The following GDA variants were observed in gnomAD, a reference collection of about 807,000 sequenced individuals.
GDA encodes guanine deaminase, also known as cytoplasmic PSD-95 interactor.
In GDA, 18 loss-of-function variants were observed where a neutral mutation model predicts 59.6. The observed-to-expected ratio is 0.30, with a 90% CI of 0.21 to 0.45. The LOEUF (loss-of-function observed/expected upper bound fraction) is 0.45, where lower values mean the gene tolerates loss of function less well. GDA is among the 20% of genes least tolerant of loss of function. The pLI, the probability that GDA is intolerant of heterozygous loss-of-function variation, is 1.00. For missense variants in GDA, 427 were observed against 552.3 expected (o/e 0.77, Z 2.27); for synonymous variants, 201 against 201.1 (o/e 1.00, Z 0.00).
chr9:72,156,042 T>C (rs1457434274), intron 1 of GDA, among the ~76,000 whole-genome samples: 7 of 152,110 alleles, frequency 4.6e-5, no homozygotes, highest in Admixed American at 4.6e-4. Flanking sequence ...GATGGAGAGG[T>C]GGATAGAATC....
downstream of GDA, among the ~76,000 whole-genome samples, chr9:72,254,668 G>A (rs530545444): frequency 6.6e-6 from 1 of 152,270 alleles, no homozygotes; most frequent in African/African-American, 2.4e-5. Context: ...AACTGAACTT[G>A]TAGCTTCACT....
intron 1 of GDA, among the ~76,000 whole-genome samples, chr9:72,136,587 C>T (rs1826232039): frequency 1.3e-5 from 2 of 152,188 alleles, no homozygotes; most frequent in Admixed American, 1.3e-4. Context: ...GGAAGATTGA[C>T]ATGTGAGAGA....
chr9:72,259,650 C>T (rs1049019680), downstream of GDA, among the ~76,000 whole-genome samples: 9 of 152,110 alleles, frequency 5.9e-5, no homozygotes, highest in Non-Finnish European at 5.9e-5. Flanking sequence ...CTCTTTGAAT[C>T]TCTCTGGGAG....
chr9:72,171,423 C>G (rs1829960264), intron 1 of GDA, among the ~76,000 whole-genome samples: 1 of 152,122 alleles, frequency 6.6e-6, no homozygotes, highest in Non-Finnish European at 1.5e-5. Flanking sequence ...TAAATCTGGA[C>G]TTTGTAGCTT....
At chr9:72,202,178 C>G (rs1410395788) in intron 2 of GDA, among the ~76,000 whole-genome samples, 1 of 152,174 alleles carries the variant, frequency 6.6e-6, no homozygotes, top group Non-Finnish European at 1.5e-5. Context: ...CAGCACGGCT[C>G]TAGAAGTTTT....
At position 72,163,827 on chromosome 9, in the gene GDA, G is replaced by A. The variant is rs543966897; in HGVS notation, c.123+14145G>A. 2.6e-5 allele frequency among the ~76,000 whole-genome samples: 4 copies of A among 152,298 alleles called. No homozygotes were observed. The South Asian group carries it at 6.2e-4, about 24-fold the overall frequency. On this transcript the variant is annotated intron_variant, in intron 1 of 13. Coordinates refer to ENST00000358399, the MANE Select transcript of GDA (RefSeq NM_004293.5). ...AAAGTCACAGGAGATTGTTTCAGCA[G>A]CTGTTAGATAAAACTGTTTCAGGTG...
chr9:72,203,685 C>G (rs1834299227), intron 3 of GDA, among the ~76,000 whole-genome samples: 1 of 152,166 alleles, frequency 6.6e-6, no homozygotes, highest in Non-Finnish European at 1.5e-5. Flanking sequence ...CCCATTGATT[C>G]CTCCTAAGGT....
chr9:72,198,336 G>A (rs756383734), intron 2 of GDA, among the ~76,000 whole-genome samples: 2 of 151,932 alleles, frequency 1.3e-5, no homozygotes, highest in African/African-American at 2.4e-5. Flanking sequence ...TCAGGAGATC[G>A]AGACTGTCCT....
chr9:72,211,708 A>C (rs180924635), intron 4 of GDA, among the ~76,000 whole-genome samples: 1 of 152,330 alleles, frequency 6.6e-6, no homozygotes, highest in South Asian at 2.1e-4. Context: ...GAGAGGACAA[A>C]CTGTCTTCTA....
Position 72,251,032 on chromosome 9 carries a change from G to A in GDA, c.*2690G>A. 1.8e-6 allele frequency: 1 copy of A among 541,286 alleles called. No individual in the cohort carries two copies. The highest frequency in any genetic ancestry group is 3.3e-6 in the Non-Finnish European group (1 of 305,284). 33.5% of individuals were successfully genotyped at this position (541,286 alleles called of 1,614,324 possible). A position where few individuals can be genotyped will look rare whatever the true frequency, so the allele number is the denominator to read the frequency against. Reference sequence around the variant, plus strand: ...AGACTGTTCCCTAATTTATTCTCTTGGCTGGTTCTCTCATTGAATTATCAG... The same window carrying A: ...AGACTGTTCCCTAATTTATTCTCTTAGCTGGTTCTCTCATTGAATTATCAG... On this transcript the variant is annotated 3_prime_UTR_variant, in exon 14 of 14. Coordinates refer to ENST00000358399, the MANE Select transcript of GDA (RefSeq NM_004293.5).
At chr9:72,224,793 C>T (rs1189921518) in intron 7 of GDA, among the ~76,000 whole-genome samples, 1 of 146,776 alleles carries the variant, frequency 6.8e-6, no homozygotes, top group African/African-American at 2.5e-5. Context: ...TGGAAAATCA[C>T]TCATCTAGCC....
At chr9:72,221,073 G>A (rs978726517) in intron 6 of GDA, among the ~76,000 whole-genome samples, 3 of 152,086 alleles carry the variant, frequency 2.0e-5, no homozygotes, top group African/African-American at 7.2e-5. Flanking sequence ...ATGAAACTTT[G>A]TAGATCCTTA....
intron 10 of GDA, among the ~76,000 whole-genome samples, chr9:72,239,654 G>A (rs1479521323): frequency 6.6e-6 from 1 of 152,110 alleles, no homozygotes; most frequent in Non-Finnish European, 1.5e-5. Context: ...GAAGGAAGCA[G>A]CAGACAGACT....
At chr9:72,228,974 A>G (rs1837957061) in intron 9 of GDA, 1 of 152,022 alleles carries the variant, frequency 6.6e-6, no homozygotes, top group South Asian at 2.1e-4. Flanking sequence ...CAGGGAATTC[A>G]TAGATCTCAT....
intron 1 of GDA, among the ~76,000 whole-genome samples, chr9:72,168,757 C>T (rs1037879910): frequency 6.6e-6 from 1 of 152,146 alleles, no homozygotes; most frequent in Non-Finnish European, 1.5e-5. Context: ...CTCATTTAAT[C>T]ATTGCAACAA....
intron 1 of GDA, among the ~76,000 whole-genome samples, chr9:72,181,689 G>T (rs1831243185): frequency 6.6e-6 from 1 of 151,882 alleles, no homozygotes; most frequent in African/African-American, 2.4e-5. Context: ...ACCTGGGATG[G>T]AGCACAGTGG....
chr9:72,251,412 G>T lies in GDA; in HGVS notation c.*3070G>T, dbSNP rs1840672369. The T allele has an allele frequency of 6.5e-6, 1 of 152,836 alleles. No homozygotes were observed. The highest frequency in any genetic ancestry group is 2.1e-4 in the South Asian group (1 of 4,860). The allele number at this position is 152,836 out of a possible 1,614,324, so 9.5% of individuals were successfully genotyped here. A position where few individuals can be genotyped will look rare whatever the true frequency, so the allele number is the denominator to read the frequency against. ...TTAAAGGCAAGCTGGAAGGCACATTGTATCAATTCTACCTTGTGCTATACG... is the reference window on the plus strand; with the variant it reads ...TTAAAGGCAAGCTGGAAGGCACATTTTATCAATTCTACCTTGTGCTATACG... On this transcript the variant is annotated 3_prime_UTR_variant, in exon 14 of 14. Transcript: ENST00000358399.
At chr9:72,200,157 C>T (rs1489469253) in intron 2 of GDA, among the ~76,000 whole-genome samples, 1 of 152,006 alleles carries the variant, frequency 6.6e-6, no homozygotes, top group Non-Finnish European at 1.5e-5. Context: ...GCCACCACGC[C>T]TGGCTAATTT....
chr9:72,202,592 G>A lies in GDA; in HGVS notation c.234G>A (p.Leu78=). ...CCAGTGAGTTCTTCATGCCTGGGCT[G>A]GTTGATACACACATCCATGCCTCTC... ...LSHHEFFMPG[L]VDTHIHASQY... Residue 78 remains leucine (L), a synonymous_variant, in exon 3 of 14, where the codon CTG becomes CTA. Coordinates refer to ENST00000358399, the MANE Select transcript of GDA (RefSeq NM_004293.5). The A allele has an allele frequency of 2.5e-6, 4 of 1,608,686 alleles. No individual in the cohort carries two copies. Among genetic ancestry groups the A allele is most frequent in the African/African-American group, 1.3e-5 (1 of 74,884 alleles).
Sources: gnomAD v4.1 joint callset for allele counts (sites outside exome capture counted in the v4.1 genomes callset) on GRCh38, gnomAD v4.1.1 for gene constraint, MANE v1.5 for transcripts, NCBI Gene and HGNC (gene_info 2026-07-23, HGNC 2026-07-21) for gene names.